The following AGMO variants were observed in gnomAD, a reference collection of about 807,000 sequenced individuals.
AGMO encodes the protein glyceryl-ether monooxygenase.
AGMO carries 75 observed loss-of-function variants against 60.2 expected under a neutral mutation model. The ratio of observed to expected loss-of-function variants is 1.25; its 90% confidence interval spans 1.03 to 1.51. The LOEUF is 1.51. Ranked by LOEUF, AGMO falls within the 40% of genes most tolerant of loss-of-function variation. The pLI is 0.00. For synonymous variants in AGMO, 261 were observed against 177.1 expected (o/e 1.47, Z -3.76); for missense variants, 763 against 525.5 (o/e 1.45, Z -4.42).
intron 12 of AGMO, among the ~76,000 whole-genome samples, chr7:15,227,292 A>C (rs1274135700): frequency 6.6e-6 from 1 of 152,038 alleles, no homozygotes; most frequent in Admixed American, 6.6e-5. Context: ...AACTTCAGCC[A>C]ATCACAAGCT....
Position 15,529,625 on chromosome 7 carries a change from A to ATATACTG in AGMO, c.409+15146_409+15147insCAGTATA. ...TATATAGAGTATATATATAGAATAT[A>ATATACTG]TATATAGAATATATATATATACTAT... On this transcript the variant is annotated intron_variant, in intron 3 of 12. Transcript: ENST00000342526. Among the ~76,000 whole-genome samples, 2 of 3,840 alleles carry ATATACTG rather than the reference A, an allele frequency of 5.2e-4. 1 individual carries two copies. The highest frequency in any genetic ancestry group is 0.013 in the Admixed American group (2 of 160). The allele number at this position is 3,840 out of a possible 152,430, so 2.5% of individuals were successfully genotyped here.
intron 3 of AGMO, among the ~76,000 whole-genome samples, chr7:15,503,380 C>G (rs377078328): frequency 1.3e-5 from 2 of 151,948 alleles, no homozygotes; most frequent in East Asian, 3.9e-4. Context: ...TACATTATAG[C>G]TGCTGGGTCA....
Position 15,320,161 on chromosome 7 carries a change from AAATGACGAGTT to A in AGMO, c.1263+45342_1263+45352del, listed in dbSNP as rs1166491594. ...TAGCATTGGGAGATATACCTAATGTAAATGACGAGTTAATGGGTGCAGCACACCACCACGGC... is the reference window on the plus strand; with the variant it reads ...TAGCATTGGGAGATATACCTAATGTAAATGGGTGCAGCACACCACCACGGC... On this transcript the variant is annotated intron_variant, in intron 12 of 12. Transcript: ENST00000342526. Among the ~76,000 whole-genome samples the A allele has an allele frequency of 9.2e-5, 14 of 152,168 alleles. 1 individual carries two copies. The highest frequency in any genetic ancestry group is 3.4e-4 in the African/African-American group (14 of 41,492).
intron 10 of AGMO, among the ~76,000 whole-genome samples, chr7:15,375,812 T>TA (rs1783431166): frequency 6.6e-6 from 1 of 152,118 alleles, no homozygotes; most frequent in Non-Finnish European, 1.5e-5. Context: ...TTAACAAATC[T>TA]AAGTGAGGTT....
intron 12 of AGMO, among the ~76,000 whole-genome samples, chr7:15,353,022 C>T (rs1782313970): frequency 6.6e-6 from 1 of 151,908 alleles, no homozygotes. Flanking sequence ...GCACGGCACA[C>T]TCAGACGAAA....
intron 10 of AGMO, among the ~76,000 whole-genome samples, chr7:15,384,859 A>C (rs769378437): frequency 1.1e-5 from 1 of 92,246 alleles, no homozygotes; most frequent in Non-Finnish European, 2.4e-5. Context: ...ATTTTTATAT[A>C]CGTTATTTTT....
chr7:15,476,354 T>C (rs138237702), intron 3 of AGMO, among the ~76,000 whole-genome samples: 1 of 152,252 alleles, frequency 6.6e-6, no homozygotes, highest in Admixed American at 6.5e-5. Flanking sequence ...TAGGGAACTA[T>C]AACTTTCATG....
chr7:15,386,865 T>C (rs1783935502), intron 9 of AGMO, among the ~76,000 whole-genome samples: 1 of 152,218 alleles, frequency 6.6e-6, no homozygotes. Flanking sequence ...TTCTGCTGTT[T>C]TAAAGATCTT....
At position 15,385,656 on chromosome 7, in the gene AGMO, A is replaced by T. The variant is rs576856457; in HGVS notation, c.958-94T>A. ...GAGATATTTGAAAAAAGTATCTGCTATTTTTTTTAAAAAAAGACAAACATA... is the reference window on the plus strand; with the variant it reads ...GAGATATTTGAAAAAAGTATCTGCTTTTTTTTTTAAAAAAAGACAAACATA... On this transcript the variant is annotated intron_variant, in intron 9 of 12. Transcript: ENST00000342526. The T allele has an allele frequency of 3.7e-5, 27 of 736,706 alleles. No individual in the cohort carries two copies. In the South Asian group the frequency reaches 4.2e-4, roughly 12 times the overall value. 45.6% of individuals were successfully genotyped at this position (736,706 alleles called of 1,614,324 possible).
chr7:15,301,099 G>C (rs972191526), intron 12 of AGMO, among the ~76,000 whole-genome samples: 2 of 152,138 alleles, frequency 1.3e-5, no homozygotes, highest in Non-Finnish European at 2.9e-5. Context: ...TTCAGTGATT[G>C]CATGTGTTTG....
At chr7:15,442,180 T>G (rs1781575352) in intron 3 of AGMO, among the ~76,000 whole-genome samples, 1 of 152,206 alleles carries the variant, frequency 6.6e-6, no homozygotes, top group Admixed American at 6.5e-5. Flanking sequence ...CACATTAGCA[T>G]TGTTAGTGGT....
chr7:15,473,672 C>G (rs764147095), intron 3 of AGMO, among the ~76,000 whole-genome samples: 5 of 152,098 alleles, frequency 3.3e-5, no homozygotes, highest in Non-Finnish European at 7.4e-5. Context: ...TGACCTCTGT[C>G]ACCACTCCTA....
At chr7:15,439,057 T>A (rs898047447) in intron 3 of AGMO, among the ~76,000 whole-genome samples, 1 of 152,214 alleles carries the variant, frequency 6.6e-6, no homozygotes, top group African/African-American at 2.4e-5. Flanking sequence ...TAACATTTTC[T>A]TATCATCAAC....
chr7:15,387,689 T>A (rs570594321), intron 8 of AGMO, 149 bp from the exon 9 acceptor site: 2 of 661,766 alleles, frequency 3.0e-6, no homozygotes, highest in Admixed American at 5.8e-5. Context: ...TGTAATTGCA[T>A]TCCATGCTGT....
chr7:15,249,394 T>A (rs1168081279), intron 12 of AGMO, among the ~76,000 whole-genome samples: 1 of 152,128 alleles, frequency 6.6e-6, no homozygotes, highest in Non-Finnish European at 1.5e-5. Flanking sequence ...ATTATTAGAA[T>A]AAAAATCTCC....
At chr7:15,519,233 T>G (rs1783911076) in intron 3 of AGMO, among the ~76,000 whole-genome samples, 1 of 151,518 alleles carries the variant, frequency 6.6e-6, no homozygotes, top group Admixed American at 6.6e-5. Context: ...AAAACACACT[T>G]CAGGATATTA....
chr7:15,387,863 G>A (rs973508426), intron 8 of AGMO, among the ~76,000 whole-genome samples: 2 of 151,352 alleles, frequency 1.3e-5, no homozygotes, highest in Non-Finnish European at 2.9e-5. Context: ...GAATTAACTA[G>A]CACCCTGTGC....
At chr7:15,485,089 G>A (rs1463105987) in intron 3 of AGMO, among the ~76,000 whole-genome samples, 1 of 139,864 alleles carries the variant, frequency 7.1e-6, no homozygotes, top group Non-Finnish European at 1.5e-5. Context: ...TCGAGGTGAG[G>A]AATTCGAGAC....
intron 12 of AGMO, among the ~76,000 whole-genome samples, chr7:15,320,784 G>A (rs1345752575): frequency 6.6e-6 from 1 of 151,916 alleles, no homozygotes; most frequent in Non-Finnish European, 1.5e-5. Context: ...TACAAATTAG[G>A]GAAATCTATT....
Sources: gnomAD v4.1 joint callset for allele counts (sites outside exome capture counted in the v4.1 genomes callset) on GRCh38, gnomAD v4.1.1 for gene constraint, MANE v1.5 for transcripts, NCBI Gene and HGNC (gene_info 2026-07-23, HGNC 2026-07-21) for gene names.